The following NEBL variants were observed in gnomAD, a reference collection of about 807,000 sequenced individuals.
NEBL encodes the protein nebulette.
In NEBL, 122 loss-of-function variants were observed where a neutral mutation model predicts 140.2. The ratio of observed to expected loss-of-function variants is 0.87; its 90% CI spans 0.75 to 1.01. The LOEUF (loss-of-function observed/expected upper bound fraction) is 1.01. Among genes scored for constraint, NEBL ranks in the 50% least tolerant of loss-of-function variants. The pLI is 0.00. For missense variants in NEBL, 1,365 were observed against 1,231.3 expected (o/e 1.11, Z -1.62); for synonymous variants, 436 against 398.9 (o/e 1.09, Z -1.11).
intron 2 of NEBL, chr10:21,126,191 C>T (rs757291880): frequency 3.5e-5 from 52 of 1,472,474 alleles, no homozygotes; most frequent in Middle Eastern, 1.8e-4. Context: ...AAAAAAATAC[C>T]ACATTTGGAA....
intron 2 of NEBL, among the ~76,000 whole-genome samples, chr10:21,105,218 T>C (rs1837656431): frequency 6.6e-6 from 1 of 152,218 alleles, no homozygotes. Flanking sequence ...AGTTCGGGGA[T>C]ACATGTGCAG....
intron 2 of NEBL, chr10:21,125,934 C>T (rs912699939): frequency 6.2e-7 from 1 of 1,614,050 alleles, no homozygotes; most frequent in East Asian, 2.2e-5. Context: ...CCAGAGACAG[C>T]CTTGGGGACT....
intron 3 of NEBL, among the ~76,000 whole-genome samples, chr10:21,008,169 T>A (rs1014402815): frequency 9.2e-5 from 14 of 152,214 alleles, no homozygotes; most frequent in African/African-American, 3.4e-4. Flanking sequence ...CATACAAATG[T>A]ATGTAAAAAC....
At chr10:21,159,921 C>A (rs1257078314) in intron 2 of NEBL, among the ~76,000 whole-genome samples, 1 of 152,214 alleles carries the variant, frequency 6.6e-6, no homozygotes, top group African/African-American at 2.4e-5. Flanking sequence ...TATTCCCCTG[C>A]TGGTCTCTTC....
chr10:20,850,531 A>G (rs753115312), intron 10 of NEBL, 29 bp from the exon 11 acceptor site: 1 of 1,409,752 alleles, frequency 7.1e-7, no homozygotes. Context: ...AGCATATACA[A>G]ATCGAAAGTC....
At chr10:21,146,003 C>T (rs879874129) in intron 2 of NEBL, among the ~76,000 whole-genome samples, 11 of 152,282 alleles carry the variant, frequency 7.2e-5, no homozygotes, top group East Asian at 1.9e-4. Context: ...ACCCCCTCCT[C>T]GCCCCTGGAA....
At chr10:20,790,777 A>C (rs1355141711) in intron 26 of NEBL, among the ~76,000 whole-genome samples, 1 of 152,178 alleles carries the variant, frequency 6.6e-6, no homozygotes, top group Admixed American at 6.5e-5. Context: ...AAACAAGCAA[A>C]AGGAAATCTA....
In NEBL at chr10:20,785,638, T is replaced by C. The variant is rs1835344570; in HGVS notation, c.*109A>G. The C allele has an allele frequency of 2.4e-6, 3 of 1,245,740 alleles. No individual in the cohort carries two copies. Among genetic ancestry groups the C allele is most frequent in the Non-Finnish European group, 3.4e-6 (3 of 874,650 alleles). The allele number at this position is 1,245,740 out of a possible 1,614,324, so 77.2% of individuals were successfully genotyped here. On this transcript the variant is annotated 3_prime_UTR_variant, in exon 28 of 28. Coordinates refer to ENST00000377122, the MANE Select transcript of NEBL (RefSeq NM_006393.3). The stretch of plus-strand genomic sequence containing the variant: ...GTGTGTCTAATTGTCAAAGGAAGGA[T>C]ACATCATTGTAAAATAATGGCCAAG...
intron 3 of NEBL, among the ~76,000 whole-genome samples, chr10:21,010,573 C>T (rs1371931821): frequency 1.3e-5 from 2 of 150,434 alleles, no homozygotes; most frequent in African/African-American, 4.9e-5. Flanking sequence ...TTTTGAAGTT[C>T]AAAAGCTACC....
chr10:20,833,743 G>A lies in NEBL; in HGVS notation c.1449+1770C>T, dbSNP rs541526063. ...TGCACTCCAGCCTGGGCGACAGAGCGAGACTCCGTCTCAAAAAAAAAAAAA... is the reference window on the plus strand; with the variant it reads ...TGCACTCCAGCCTGGGCGACAGAGCAAGACTCCGTCTCAAAAAAAAAAAAA... On this transcript the variant is annotated intron_variant, in intron 14 of 27. Coordinates refer to ENST00000377122, the MANE Select transcript of NEBL (RefSeq NM_006393.3). 3.1e-3 allele frequency among the ~76,000 whole-genome samples: 458 copies of A among 148,758 alleles called. 1 individual carries two copies. The highest frequency in any genetic ancestry group is 4.4e-3 in the Non-Finnish European group (299 of 67,454).
chr10:20,989,903 C>G (rs1427959653), intron 3 of NEBL, among the ~76,000 whole-genome samples: 1 of 152,142 alleles, frequency 6.6e-6, no homozygotes, highest in Non-Finnish European at 1.5e-5. Flanking sequence ...TTTATTTTTA[C>G]TCACCTCTAA....
chr10:20,816,906 T>TGTGGGAA (rs1484588875), intron 21 of NEBL, among the ~76,000 whole-genome samples: 2 of 152,044 alleles, frequency 1.3e-5, no homozygotes, highest in Non-Finnish European at 2.9e-5. Context: ...GAGTCATGAT[T>TGTGGGAA]GTGGGAAGTG....
chr10:20,985,717 C>T (rs559089395), intron 3 of NEBL, among the ~76,000 whole-genome samples: 1 of 152,006 alleles, frequency 6.6e-6, no homozygotes, highest in Non-Finnish European at 1.5e-5. Flanking sequence ...TACTAGTATG[C>T]AGCTATACTG....
intron 3 of NEBL, among the ~76,000 whole-genome samples, chr10:21,190,994 A>T (rs1841564411): frequency 6.6e-6 from 1 of 152,172 alleles, no homozygotes; most frequent in African/African-American, 2.4e-5. Context: ...CTTTCTGTTC[A>T]TTTGTTCCTT....
At chr10:21,033,215 C>A (rs1293791019) in intron 2 of NEBL, among the ~76,000 whole-genome samples, 1 of 151,844 alleles carries the variant, frequency 6.6e-6, no homozygotes, top group Non-Finnish European at 1.5e-5. Context: ...ATTTGGGACT[C>A]GAGTATCTAA....
intron 3 of NEBL, among the ~76,000 whole-genome samples, chr10:21,002,965 A>T (rs1837969461): frequency 6.8e-6 from 1 of 147,694 alleles, no homozygotes; most frequent in Non-Finnish European, 1.5e-5. Flanking sequence ...ACCCATCATG[A>T]TGGGTTTAAT....
At chr10:20,850,638 T>C (rs1013079464) in intron 10 of NEBL, 136 bp from the exon 11 acceptor site, 11 of 640,386 alleles carry the variant, frequency 1.7e-5, no homozygotes, top group Middle Eastern at 4.2e-4. Context: ...GGTTGAGCAC[T>C]GGGTTCCCTT....
chr10:21,245,523 T>G (rs956094984), intron 3 of NEBL, among the ~76,000 whole-genome samples: 1 of 151,428 alleles, frequency 6.6e-6, no homozygotes, highest in South Asian at 2.2e-4. Context: ...AGGTTCTGTT[T>G]GGGTTTGTTG....
intron 2 of NEBL, among the ~76,000 whole-genome samples, chr10:21,092,422 T>G (rs1234531230): frequency 6.6e-6 from 1 of 152,178 alleles, no homozygotes; most frequent in Non-Finnish European, 1.5e-5. Context: ...CCTCTAGAAG[T>G]AACAGTAAAT....
Sources: allele counts gnomAD v4.1 joint callset (sites outside exome capture counted in the v4.1 genomes callset), GRCh38; gene constraint gnomAD v4.1.1; transcripts MANE v1.5; gene names NCBI Gene and HGNC (gene_info 2026-07-23, HGNC 2026-07-21).